The following PRDM6 variants were observed in gnomAD, a reference collection of about 807,000 sequenced individuals.
PRDM6 encodes the protein PR/SET domain 6.
A neutral mutation model predicts 60.8 loss-of-function variants in PRDM6; 25 were observed. That is an observed-to-expected ratio of 0.41 (90% CI 0.30 to 0.57). The LOEUF is 0.57. Among genes scored for constraint, PRDM6 ranks in the 20% least tolerant of loss-of-function variants. The pLI is 0.27. For missense variants in PRDM6, 839 were observed against 821.3 expected, an observed-to-expected ratio of 1.02 and a Z score of -0.26; for synonymous variants, 407 against 357.4, an observed-to-expected ratio of 1.14 and a Z score of -1.57.
At chr5:123,117,982 C>T (rs1764496262) in intron 3 of PRDM6, among the ~76,000 whole-genome samples, 1 of 152,158 alleles carries the variant, frequency 6.6e-6, no homozygotes, top group Admixed American at 6.5e-5. Flanking sequence ...ATAGCATTGT[C>T]TTAGAAAGAC....
chr5:123,136,027 A>G (rs999724138), intron 3 of PRDM6, among the ~76,000 whole-genome samples: 1 of 152,210 alleles, frequency 6.6e-6, no homozygotes, highest in Admixed American at 6.5e-5. Flanking sequence ...ACGGTCTAAG[A>G]TCTTACGGTA....
chr5:123,145,577 A>G (rs335172), intron 3 of PRDM6, among the ~76,000 whole-genome samples: 109,071 of 151,924 alleles, frequency 0.72, 39,284 homozygotes, highest in Non-Finnish European at 0.75. Context: ...GCTCTTACAT[A>G]CTCCCTTTCT....
intron 3 of PRDM6, among the ~76,000 whole-genome samples, chr5:123,146,983 TA>T (rs1416441596): frequency 2.6e-5 from 4 of 152,178 alleles, no homozygotes; most frequent in African/African-American, 9.7e-5. Context: ...TAGTTAGATA[TA>T]AATGTTTACT....
Position 123,156,878 on chromosome 5 carries a change from T to C in PRDM6, c.1028+867T>C, listed in dbSNP as rs535400513. 5.3e-5 allele frequency among the ~76,000 whole-genome samples: 8 copies of C among 152,034 alleles called. No individual in the cohort carries two copies. The South Asian group carries it at 1.5e-3, about 28-fold the overall frequency. On this transcript the variant is annotated intron_variant, in intron 4 of 7. Coordinates refer to ENST00000407847, the MANE Select transcript of PRDM6 (RefSeq NM_001136239.4). ...GGAAAAAAGCCCCACCACTAAGCCTTCTTCTCTCAAAATCCCTCGAAAACG... is the reference window on the plus strand; with the variant it reads ...GGAAAAAAGCCCCACCACTAAGCCTCCTTCTCTCAAAATCCCTCGAAAACG...
intron 3 of PRDM6, among the ~76,000 whole-genome samples, chr5:123,134,406 G>T (rs1259606080): frequency 1.3e-5 from 2 of 152,050 alleles, no homozygotes; most frequent in Non-Finnish European, 2.9e-5. Flanking sequence ...AGTAAAAACT[G>T]TATATGTTAA....
rs1355174198 is a variant in PRDM6, at chr5:123,189,424, C to T, written c.*2223C>T. The T allele has an allele frequency of 1.3e-5, 2 of 152,136 alleles. No individual in the cohort carries two copies. Among genetic ancestry groups the T allele is most frequent in the African/African-American group, 4.8e-5 (2 of 41,416 alleles). The allele number at this position is 152,136 out of a possible 1,614,324, so 9.4% of individuals were successfully genotyped here. On this transcript the variant is annotated 3_prime_UTR_variant, in exon 8 of 8. Coordinates refer to ENST00000407847, the MANE Select transcript of PRDM6 (RefSeq NM_001136239.4). ...GGAACACCATGTACTACTCAGTTCT[C>T]ATGAGCTTCAGAACGTGGGAGAATG...
intron 3 of PRDM6, among the ~76,000 whole-genome samples, chr5:123,124,666 T>G (rs1018052818): frequency 6.6e-6 from 1 of 152,196 alleles, no homozygotes; most frequent in Non-Finnish European, 1.5e-5. Flanking sequence ...AAGAGGAAAG[T>G]AGACAAGTTT....
At chr5:123,180,826 A>G (rs1766139616) in intron 7 of PRDM6, among the ~76,000 whole-genome samples, 1 of 152,210 alleles carries the variant, frequency 6.6e-6, no homozygotes, top group African/African-American at 2.4e-5. Context: ...TGAACCTATT[A>G]TAGCAGCCAA....
intron 3 of PRDM6, among the ~76,000 whole-genome samples, chr5:123,114,217 C>T (rs1764379614): frequency 6.6e-6 from 1 of 152,204 alleles, no homozygotes; most frequent in South Asian, 2.1e-4. Flanking sequence ...TGGTGGGGCT[C>T]CACTGTCTTT....
chr5:123,140,954 T>C (rs914208602), intron 3 of PRDM6, among the ~76,000 whole-genome samples: 1 of 152,106 alleles, frequency 6.6e-6, no homozygotes, highest in Non-Finnish European at 1.5e-5. Flanking sequence ...GAACCTCAGA[T>C]TCTAAGTTAA....
chr5:123,155,256 G>GTC (rs549552307), intron 3 of PRDM6, among the ~76,000 whole-genome samples: 70 of 138,562 alleles, frequency 5.1e-4, no homozygotes, highest in African/African-American at 1.3e-3. Flanking sequence ...TTTTTTGAGG[G>GTC]TCTCTCTTTT....
Position 123,099,932 on chromosome 5 carries a change from G to T in PRDM6, c.871G>T (p.Ala291Ser), listed in dbSNP as rs1008058. The change falls in exon 3 of 8, where the codon GCC becomes TCC. Residue 291 changes from alanine to serine, a missense_variant. Transcript: ENST00000407847. This position sits in a 1 kb window ranked among gnomAD's most constrained non-coding sequence, Gnocchi z 4.0. ...LLPPEKVQAG[A>S]VRNTQHLWEI... ...GCCCCCAGAGAAGGTGCAGGCAGGC[G>T]CCGTGAGGAACACGCAGCATCTCTG... 3.9e-6 allele frequency: 6 copies of T among 1,534,690 alleles called. No individual in the cohort carries two copies. Among genetic ancestry groups the T allele is most frequent in the Non-Finnish European group, 5.3e-6 (6 of 1,136,312 alleles).
intron 3 of PRDM6, among the ~76,000 whole-genome samples, chr5:123,123,023 A>G (rs868122798): frequency 3.2e-4 from 48 of 152,208 alleles, no homozygotes; most frequent in Middle Eastern, 3.4e-3. Flanking sequence ...TGGCATATCT[A>G]TGACTATTTT....
At chr5:123,111,645 C>G (rs991413540) in intron 3 of PRDM6, among the ~76,000 whole-genome samples, 4 of 151,924 alleles carry the variant, frequency 2.6e-5, no homozygotes, top group East Asian at 3.9e-4. Flanking sequence ...TTGCAGTGAT[C>G]CAAGATTGCA....
At chr5:123,154,709 C>A (rs1765452906) in intron 3 of PRDM6, among the ~76,000 whole-genome samples, 1 of 152,056 alleles carries the variant, frequency 6.6e-6, no homozygotes, top group Non-Finnish European at 1.5e-5. Context: ...ATTTTCCATG[C>A]TTATTTGAAA....
At chr5:123,179,896 G>A (rs1454612741) in intron 6 of PRDM6, among the ~76,000 whole-genome samples, 1 of 152,158 alleles carries the variant, frequency 6.6e-6, no homozygotes, top group Non-Finnish European at 1.5e-5. Flanking sequence ...AAGAAAGTAG[G>A]GGTTTCCAAA....
intron 5 of PRDM6, among the ~76,000 whole-genome samples, chr5:123,169,680 C>G (rs1765840253): frequency 6.6e-6 from 1 of 152,180 alleles, no homozygotes; most frequent in African/African-American, 2.4e-5. Context: ...GGGACCAAAT[C>G]ACGGATTTAG....
intron 2 of PRDM6, among the ~76,000 whole-genome samples, chr5:123,090,924 T>TC (rs199867152): frequency 0.011 from 1,700 of 151,990 alleles, 33 homozygotes; most frequent in African/African-American, 0.039. Context: ...ACCTCTGCCC[T>TC]CCCGCCGGAC....
At chr5:123,131,376 G>A (rs1764830799) in intron 3 of PRDM6, among the ~76,000 whole-genome samples, 2 of 151,996 alleles carry the variant, frequency 1.3e-5, no homozygotes, top group Non-Finnish European at 2.9e-5. Flanking sequence ...TGAGGTGATG[G>A]CTAGCTCAGT....
Sources: gnomAD v4.1 joint callset for allele counts (sites outside exome capture counted in the v4.1 genomes callset) on GRCh38, gnomAD v4.1.1 for gene constraint, Gnocchi (gnomAD v3.1) non-coding constraint, MANE v1.5 for transcripts, NCBI Gene and HGNC (gene_info 2026-07-23, HGNC 2026-07-21) for gene names.